The following MEP1A variants were observed in gnomAD, a reference collection of about 807,000 sequenced individuals.
MEP1A encodes N-benzoyl-L-tyrosyl-P-amino-benzoic acid hydrolase subunit alpha.
Under a neutral mutation model 84.5 loss-of-function variants are expected in MEP1A, and 68 were observed. That is an observed-to-expected ratio of 0.80 (90% CI 0.66 to 0.98). MEP1A has a LOEUF of 0.98. Among genes scored for constraint, MEP1A ranks in the 50% least tolerant of loss-of-function variants. MEP1A has a pLI of 0.00. For synonymous variants in MEP1A, 337 were observed against 336.8 expected (o/e 1.00, Z -0.01); for missense variants, 887 against 919.9 (o/e 0.96, Z 0.46).
intron 10 of MEP1A, among the ~76,000 whole-genome samples, chr6:46,832,506 C>T (rs1768099642): frequency 6.6e-6 from 1 of 152,116 alleles, no homozygotes; most frequent in East Asian, 1.9e-4. Context: ...TTACTTTGCT[C>T]CCCTACATGG....
At chr6:46,831,917 C>G (rs1768086371) in intron 10 of MEP1A, among the ~76,000 whole-genome samples, 1 of 152,048 alleles carries the variant, frequency 6.6e-6, no homozygotes, top group South Asian at 2.1e-4. Context: ...CTCCTGTGTT[C>G]CCATGTAACC....
intron 6 of MEP1A, among the ~76,000 whole-genome samples, chr6:46,818,249 T>G (rs1326130912): frequency 6.6e-6 from 1 of 152,178 alleles, no homozygotes; most frequent in African/African-American, 2.4e-5. Flanking sequence ...TATACCTTAA[T>G]AAAGTTATTA....
intron 8 of MEP1A, among the ~76,000 whole-genome samples, 184 bp downstream of exon 8, chr6:46,825,677 G>C (rs1562114512): frequency 6.6e-6 from 1 of 151,914 alleles, no homozygotes; most frequent in Non-Finnish European, 1.5e-5. Flanking sequence ...GTCTATGGCT[G>C]TTTTTGCGCT....
Position 46,819,600 on chromosome 6 carries a change from C to T in MEP1A, c.452C>T (p.Ala151Val). 6.2e-7 allele frequency: 1 copy of T among 1,614,004 alleles called. No homozygotes were observed. The highest frequency in any genetic ancestry group is 8.5e-7 in the Non-Finnish European group (1 of 1,179,942). The change falls in exon 7 of 14, where the codon GCC becomes GTC. Residue 151 changes from alanine (A) to valine (V), a missense_variant. Physicochemically the swap from Ala to Val is moderately conservative, Grantham distance 64. Transcript: ENST00000230588. ...ISIGQGCAYK[A>V]IIEHEILHAL... ...ATTGGCCAAGGATGTGCCTATAAGG[C>T]CATCATAGAACACGAGATCCTGCAT...
intron 9 of MEP1A, among the ~76,000 whole-genome samples, chr6:46,828,433 C>T (rs1378757271): frequency 6.6e-6 from 1 of 152,132 alleles, no homozygotes; most frequent in Non-Finnish European, 1.5e-5. Context: ...AGGCACGTGC[C>T]TCAGTGTGAG....
Position 46,834,717 on chromosome 6 carries a change from A to C in MEP1A, c.1749A>C (p.Lys583Asn). 6.2e-7 allele frequency: 1 copy of C among 1,611,688 alleles called. No homozygotes were observed. Among genetic ancestry groups the C allele is most frequent in the Non-Finnish European group, 8.5e-7 (1 of 1,179,680 alleles). The change falls in exon 12 of 14, where the codon AAA becomes AAC. Residue 583 changes from lysine (K) to asparagine (N), a missense_variant. Lys to Asn is a moderately conservative substitution (Grantham distance 94, BLOSUM62 0). Coordinates refer to ENST00000230588, the MANE Select transcript of MEP1A (RefSeq NM_005588.3). ...HQMLKRRSFL[K>N]NDDLIIFVDF... ...TGCTGAAAAGGAGGAGTTTCCTGAA[A>C]AATGATGACCTCATCATATTTGTGG...
At chr6:46,830,247 T>TAAAAAA (rs56033423) in intron 10 of MEP1A, among the ~76,000 whole-genome samples, 7 of 50,106 alleles carry the variant, frequency 1.4e-4, no homozygotes, top group African/African-American at 5.8e-4. Flanking sequence ...AGACTCCATC[T>TAAAAAA]AAAAAAAAAA....
intron 11 of MEP1A, among the ~76,000 whole-genome samples, chr6:46,834,154 C>T (rs1768145259): frequency 6.6e-6 from 1 of 151,950 alleles, no homozygotes; most frequent in South Asian, 2.1e-4. Context: ...AACTCCTGAG[C>T]TCAGGCAATC....
intron 3 of MEP1A, among the ~76,000 whole-genome samples, chr6:46,797,634 A>G (rs1285401266): frequency 6.6e-6 from 1 of 152,128 alleles, no homozygotes; most frequent in East Asian, 1.9e-4. Flanking sequence ...AAGAGGCAGA[A>G]TGGTACACTG....
At chr6:46,814,833 C>T (rs1276230430) in intron 6 of MEP1A, among the ~76,000 whole-genome samples, 3 of 151,950 alleles carry the variant, frequency 2.0e-5, no homozygotes, top group Admixed American at 6.6e-5. Flanking sequence ...GATCTAGCCA[C>T]CCAGCAGAGC....
intron 13 of MEP1A, among the ~76,000 whole-genome samples, chr6:46,838,056 TA>T (rs1562119614): frequency 6.8e-6 from 1 of 146,438 alleles, no homozygotes; most frequent in African/African-American, 2.7e-5. Context: ...CATGTCTGGC[TA>T]TTTTTTTTTT....
At chr6:46,822,560 T>C (rs925029205) in intron 7 of MEP1A, among the ~76,000 whole-genome samples, 4 of 152,210 alleles carry the variant, frequency 2.6e-5, no homozygotes, top group African/African-American at 9.6e-5. Context: ...TGTTTTTGTT[T>C]TGAGACAGAG....
In MEP1A at chr6:46,816,371, C is replaced by T. The variant is rs143189339; in HGVS notation, c.381-3158C>T. On this transcript the variant is annotated intron_variant, in intron 6 of 13. Coordinates refer to ENST00000230588, the MANE Select transcript of MEP1A (RefSeq NM_005588.3). Reference sequence around the variant, plus strand: ...TTAGCCCTCAGCAGGCTTACAGTTACCAGGTGGGGGTGGTGGAGAAATGAG... The same window carrying T: ...TTAGCCCTCAGCAGGCTTACAGTTATCAGGTGGGGGTGGTGGAGAAATGAG... 7.2e-3 allele frequency among the ~76,000 whole-genome samples: 1,090 copies of T among 152,064 alleles called. 10 individuals carry two copies. Among genetic ancestry groups the T allele is most frequent in the Middle Eastern group, 0.031 (9 of 294 alleles).
intron 6 of MEP1A, among the ~76,000 whole-genome samples, chr6:46,810,077 A>G (rs1461610526): frequency 6.6e-6 from 1 of 151,964 alleles, no homozygotes; most frequent in Non-Finnish European, 1.5e-5. Context: ...TTACATTCCC[A>G]CCCACAGTGT....
chr6:46,827,855 A>G (rs1767982503), intron 9 of MEP1A, among the ~76,000 whole-genome samples: 1 of 152,200 alleles, frequency 6.6e-6, no homozygotes, highest in Non-Finnish European at 1.5e-5. Flanking sequence ...CTTTATTGTG[A>G]GCGGAATCTG....
intron 7 of MEP1A, among the ~76,000 whole-genome samples, chr6:46,820,257 G>T (rs1460183085): frequency 6.6e-6 from 1 of 152,106 alleles, no homozygotes; most frequent in East Asian, 1.9e-4. Flanking sequence ...ATTAATCAAA[G>T]GTGAATGTTT....
At chr6:46,826,002 G>A (rs1299971165) in intron 8 of MEP1A, among the ~76,000 whole-genome samples, 11 of 152,162 alleles carry the variant, frequency 7.2e-5, no homozygotes, top group South Asian at 2.1e-4. Flanking sequence ...AGCCTTTAGA[G>A]ATAAAATGTT....
At chr6:46,830,174 C>A (rs1399432018) in intron 10 of MEP1A, among the ~76,000 whole-genome samples, 1 of 140,854 alleles carries the variant, frequency 7.1e-6, no homozygotes, top group Non-Finnish European at 1.5e-5. Context: ...TGCTGGAACC[C>A]GGGAGGCGGA....
At chr6:46,807,569 G>GAAGGA (rs1767367299) in intron 5 of MEP1A, among the ~76,000 whole-genome samples, 10 of 17,712 alleles carry the variant, frequency 5.6e-4, no homozygotes, top group African/African-American at 2.3e-3. Flanking sequence ...AGAAAGAAAG[G>GAAGGA]AAGGAAGGAA....
Sources: allele counts gnomAD v4.1 joint callset (sites outside exome capture counted in the v4.1 genomes callset), GRCh38; gene constraint gnomAD v4.1.1; transcripts MANE v1.5; gene names NCBI Gene and HGNC (gene_info 2026-07-23, HGNC 2026-07-21).